The following LRP1B variants were observed in gnomAD, a reference collection of about 807,000 sequenced individuals.
The protein encoded by LRP1B is LDL receptor related protein 1B.
A neutral mutation model predicts 556.6 loss-of-function variants in LRP1B; 217 were observed. That is an observed-to-expected ratio of 0.39 (90% CI 0.35 to 0.44). The LOEUF is 0.44. Ranked by LOEUF, LRP1B falls within the 20% of genes least tolerant of loss-of-function variation. The pLI is 1.00. For missense variants in LRP1B, 5,053 were observed against 5,620.8 expected (o/e 0.90, Z 3.23); for synonymous variants, 2,047 against 1,865.8 (o/e 1.10, Z -2.50).
At chr2:140,323,603 TAATAATAA>T (rs1262566572) in intron 81 of LRP1B, among the ~76,000 whole-genome samples, 1 of 151,844 alleles carries the variant, frequency 6.6e-6, no homozygotes, top group African/African-American at 2.4e-5. Context: ...TAAAGTATAA[TAATAATAA>T]AATAAAAGAA....
intron 2 of LRP1B, among the ~76,000 whole-genome samples, chr2:141,807,556 A>G (rs1247849112): frequency 6.6e-6 from 1 of 152,128 alleles, no homozygotes; most frequent in Admixed American, 6.6e-5. Context: ...TGGAGAGGAA[A>G]GGACTGTATA....
intron 1 of LRP1B, among the ~76,000 whole-genome samples, chr2:142,007,056 C>T (rs1204647958): frequency 6.6e-6 from 1 of 152,018 alleles, no homozygotes; most frequent in African/African-American, 2.4e-5. Context: ...TGGTTTAGAC[C>T]ATCCCGACAA....
chr2:140,840,126 G>A lies in LRP1B; in HGVS notation c.5115-41C>T, dbSNP rs774823887. The A allele has an allele frequency of 4.4e-6, 5 of 1,137,034 alleles. No individual in the cohort carries two copies. The South Asian group carries it at 6.7e-5, about 15-fold the overall frequency. 70.4% of individuals were successfully genotyped at this position (1,137,034 alleles called of 1,614,324 possible). ...ATATGGATTGAAAATATTAGATGTA[G>A]ACCTACTCACTGAGAAGAAATATAC... is the stretch of plus-strand genomic sequence containing the variant. On this transcript the variant is annotated intron_variant, in intron 30 of 90. Transcript: ENST00000389484.
At chr2:141,988,421 TA>T (rs1447749155) in intron 1 of LRP1B, among the ~76,000 whole-genome samples, 2 of 151,976 alleles carry the variant, frequency 1.3e-5, no homozygotes, top group Non-Finnish European at 2.9e-5. Context: ...ATACATATTA[TA>T]AAAGTGAGCC....
At chr2:140,455,356 C>T (rs955482544) in intron 62 of LRP1B, among the ~76,000 whole-genome samples, 15 of 152,230 alleles carry the variant, frequency 9.9e-5, no homozygotes, top group East Asian at 1.9e-4. Flanking sequence ...ATGTAAATTT[C>T]GGCTGCAGTA....
intron 6 of LRP1B, among the ~76,000 whole-genome samples, chr2:141,222,999 C>A (rs1369371133): frequency 6.6e-6 from 1 of 152,138 alleles, no homozygotes; most frequent in Non-Finnish European, 1.5e-5. Flanking sequence ...CCCCCTCTCA[C>A]CACTCCTATT....
chr2:141,265,587 AT>A (rs1244749843), intron 3 of LRP1B, among the ~76,000 whole-genome samples: 1 of 152,132 alleles, frequency 6.6e-6, no homozygotes, highest in Non-Finnish European at 1.5e-5. Context: ...ATAATATGCA[AT>A]GTGCTAAGGA....
intron 3 of LRP1B, among the ~76,000 whole-genome samples, chr2:141,353,294 C>A (rs1292460747): frequency 6.6e-6 from 1 of 151,794 alleles, no homozygotes; most frequent in African/African-American, 2.4e-5. Flanking sequence ...CCTAAAATAC[C>A]AAGTATTTAT....
chr2:141,764,586 A>G (rs1404457107), intron 2 of LRP1B, among the ~76,000 whole-genome samples: 1 of 152,154 alleles, frequency 6.6e-6, no homozygotes, highest in Admixed American at 6.5e-5. Flanking sequence ...AGCCCTCTAC[A>G]AGCCAAAAAG....
chr2:140,404,249 G>A (rs13019195), intron 66 of LRP1B, among the ~76,000 whole-genome samples: 17,031 of 140,528 alleles, frequency 0.12, 1,070 homozygotes, highest in African/African-American at 0.18. Flanking sequence ...ATCTCGGCTC[G>A]CTGCAATCTT....
chr2:141,723,595 A>C (rs1692921648), intron 2 of LRP1B, among the ~76,000 whole-genome samples: 1 of 151,756 alleles, frequency 6.6e-6, no homozygotes, highest in African/African-American at 2.4e-5. Flanking sequence ...AGGTAACTGT[A>C]TATGTTGCTA....
chr2:140,852,284 G>A (rs1032285576), intron 27 of LRP1B, among the ~76,000 whole-genome samples: 5 of 152,220 alleles, frequency 3.3e-5, no homozygotes, highest in East Asian at 1.9e-4. Context: ...CCAAGACTGC[G>A]CCACCACACT....
At chr2:141,415,170 A>T (rs1691045507) in intron 3 of LRP1B, among the ~76,000 whole-genome samples, 1 of 152,136 alleles carries the variant, frequency 6.6e-6, no homozygotes, top group Middle Eastern at 3.4e-3. Context: ...TCCCGCCACC[A>T]CGCCCAGCTA....
chr2:141,197,891 G>A (rs1681822302), intron 6 of LRP1B, among the ~76,000 whole-genome samples: 1 of 152,030 alleles, frequency 6.6e-6, no homozygotes, highest in African/African-American at 2.4e-5. Flanking sequence ...AGACATCACA[G>A]AAAATCAGAA....
At chr2:141,233,994 C>T in intron 5 of LRP1B, among the ~76,000 whole-genome samples, 1 of 151,940 alleles carries the variant, frequency 6.6e-6, no homozygotes, top group East Asian at 1.9e-4. Context: ...ATCAATATTT[C>T]TGAAGTCATA....
chr2:141,480,314 G>T, intron 3 of LRP1B, 82 bp downstream of exon 3: 1 of 1,430,596 alleles, frequency 7.0e-7, no homozygotes, highest in Non-Finnish European at 9.7e-7. Context: ...TGAAAGAAAA[G>T]GCAGGTTATA....
chr2:141,839,933 G>T (rs186459784), intron 1 of LRP1B, among the ~76,000 whole-genome samples: 5 of 152,140 alleles, frequency 3.3e-5, no homozygotes, highest in South Asian at 2.1e-4. Flanking sequence ...CCACAAACAT[G>T]TGTCTTCCCA....
intron 1 of LRP1B, among the ~76,000 whole-genome samples, chr2:141,938,583 T>G (rs1574509929): frequency 6.6e-6 from 1 of 152,228 alleles, no homozygotes; most frequent in Non-Finnish European, 1.5e-5. Flanking sequence ...CAATCCTTTT[T>G]CTGGGTATGT....
At chr2:140,885,559 C>T (rs996227663) in intron 24 of LRP1B, among the ~76,000 whole-genome samples, 1 of 151,876 alleles carries the variant, frequency 6.6e-6, no homozygotes, top group Admixed American at 6.6e-5. Flanking sequence ...TCATATGGGC[C>T]AGGCTGGTCT....
Sources: allele counts gnomAD v4.1 joint callset (sites outside exome capture counted in the v4.1 genomes callset), GRCh38; gene constraint gnomAD v4.1.1; transcripts MANE v1.5; gene names NCBI Gene and HGNC (gene_info 2026-07-23, HGNC 2026-07-21).